Variants in MACROH2A2 observed in about 807,000 individuals in gnomAD.
MACROH2A2 encodes the protein macroH2A.2 histone, also known as core histone macro-H2A.2.
Under a neutral mutation model 37.6 loss-of-function variants are expected in MACROH2A2, and 6 were observed. The ratio of observed to expected loss-of-function variants is 0.16; its 90% CI spans 0.09 to 0.32. The LOEUF (loss-of-function observed/expected upper bound fraction) is 0.32, where lower values mean the gene tolerates loss of function less well. Ranked by LOEUF, MACROH2A2 falls within the 10% of genes least tolerant of loss-of-function variation. The probability of loss-of-function intolerance (pLI) is 1.00; values close to 1 mark genes in which losing one functional copy is unlikely to be tolerated. For missense variants in MACROH2A2, 290 were observed against 485.9 expected (o/e 0.60, Z 3.79); for synonymous variants, 192 against 202.7 (o/e 0.95, Z 0.45).
chr10:70,069,310 A>G (rs1247406483), intron 1 of MACROH2A2, among the ~76,000 whole-genome samples: 1 of 152,194 alleles, frequency 6.6e-6, no homozygotes, highest in Non-Finnish European at 1.5e-5. Flanking sequence ...GGAACGAGCC[A>G]GGAGCCCTAC....
At chr10:70,057,565 C>T (rs956519993) in intron 1 of MACROH2A2, among the ~76,000 whole-genome samples, 1 of 152,174 alleles carries the variant, frequency 6.6e-6, no homozygotes, top group African/African-American at 2.4e-5. Flanking sequence ...GGGTTCTCAG[C>T]AGATGATGTG....
intron 1 of MACROH2A2, among the ~76,000 whole-genome samples, chr10:70,067,738 ATCC>A (rs1161995762): frequency 3.8e-4 from 58 of 152,340 alleles, no homozygotes; most frequent in African/African-American, 1.3e-3. Context: ...GGGCGCTCAT[ATCC>A]TCCTCTCATA....
chr10:70,072,693 A>G (rs984002720), intron 1 of MACROH2A2, among the ~76,000 whole-genome samples: 1 of 152,126 alleles, frequency 6.6e-6, no homozygotes, highest in African/African-American at 2.4e-5. Context: ...GTGGTGGCTC[A>G]CACCTGTAAT....
In MACROH2A2 at chr10:70,053,894, T is replaced by C. The variant is rs909121976; in HGVS notation, c.-60+894T>C. 6.6e-6 allele frequency among the ~76,000 whole-genome samples: 1 copy of C among 152,052 alleles called. No individual in the cohort carries two copies. The highest frequency in any genetic ancestry group is 2.4e-5 in the African/African-American group (1 of 41,422). ...CTGGCTGCGGCGCAGGAAAGGGCTC[T>C]GCCGGGCGCCGGACGCCGTGCGTAT... On this transcript the variant is annotated intron_variant, in intron 1 of 8. Coordinates refer to ENST00000373255, the MANE Select transcript of MACROH2A2 (RefSeq NM_018649.3). This position sits in a 1 kb window ranked among gnomAD's most constrained non-coding sequence, Gnocchi z 4.8.
chr10:70,104,424 C>T (rs1156658072), intron 7 of MACROH2A2, among the ~76,000 whole-genome samples: 2 of 151,054 alleles, frequency 1.3e-5, no homozygotes, highest in Non-Finnish European at 1.5e-5. Flanking sequence ...CGCCTGTAAT[C>T]GAAGCACTTT....
chr10:70,106,155 A>G (rs894454404), intron 7 of MACROH2A2, among the ~76,000 whole-genome samples: 1 of 152,184 alleles, frequency 6.6e-6, no homozygotes, highest in African/African-American at 2.4e-5. Flanking sequence ...ACTCCCAAGA[A>G]CTGTGATGGC....
chr10:70,105,441 G>A (rs10999139), intron 7 of MACROH2A2, among the ~76,000 whole-genome samples: 205 of 152,340 alleles, frequency 1.3e-3, no homozygotes, highest in Admixed American at 3.1e-3. Flanking sequence ...GGATAGCCAA[G>A]TGTGGAGACA....
At chr10:70,071,910 C>T (rs1428110905) in intron 1 of MACROH2A2, among the ~76,000 whole-genome samples, 1 of 152,056 alleles carries the variant, frequency 6.6e-6, no homozygotes, top group East Asian at 1.9e-4. Flanking sequence ...TGTGAAGGCC[C>T]GGGACATTAT....
intron 1 of MACROH2A2, among the ~76,000 whole-genome samples, chr10:70,055,965 TATAC>T (rs2136612788): frequency 6.6e-6 from 1 of 152,348 alleles, no homozygotes; most frequent in African/African-American, 2.4e-5. Context: ...GAAGCAGATC[TATAC>T]ATACTGAGAC....
At chr10:70,105,031 G>A (rs1416307618) in intron 7 of MACROH2A2, among the ~76,000 whole-genome samples, 2 of 152,252 alleles carry the variant, frequency 1.3e-5, no homozygotes, top group Non-Finnish European at 1.5e-5. Flanking sequence ...GAGAGGCAGC[G>A]ATGCTGCATG....
At chr10:70,072,251 T>C (rs965110593) in intron 1 of MACROH2A2, among the ~76,000 whole-genome samples, 1 of 152,010 alleles carries the variant, frequency 6.6e-6, no homozygotes, top group African/African-American at 2.4e-5. Flanking sequence ...TAAGCATTTT[T>C]CTATTAAAAT....
intron 2 of MACROH2A2, among the ~76,000 whole-genome samples, chr10:70,086,528 C>A (rs2072212736): frequency 6.6e-6 from 1 of 152,174 alleles, no homozygotes; most frequent in South Asian, 2.1e-4. Flanking sequence ...ATCTGTCTGT[C>A]AAGCTGAAAA....
intron 1 of MACROH2A2, among the ~76,000 whole-genome samples, chr10:70,067,181 G>A (rs1257419049): frequency 1.3e-5 from 2 of 152,218 alleles, no homozygotes; most frequent in African/African-American, 2.4e-5. Context: ...CCAGAGGCTT[G>A]TAGGAGCCTA....
chr10:70,054,206 T>C (rs533285246), intron 1 of MACROH2A2, among the ~76,000 whole-genome samples: 14 of 152,298 alleles, frequency 9.2e-5, no homozygotes, highest in African/African-American at 3.1e-4. Flanking sequence ...TTGCCAGGGT[T>C]TTTTGGCAAC....
chr10:70,090,192 C>G lies in MACROH2A2; in HGVS notation c.279+26C>G, dbSNP rs574840886. 54 of 1,473,692 alleles carry G rather than the reference C, an allele frequency of 3.7e-5. No homozygotes were observed. In the South Asian group the frequency reaches 5.6e-4, roughly 15 times the overall value. The allele number at this position is 1,473,692 out of a possible 1,614,324, so 91.3% of individuals were successfully genotyped here. On this transcript the variant is annotated intron_variant, in intron 3 of 8. Coordinates refer to ENST00000373255, the MANE Select transcript of MACROH2A2 (RefSeq NM_018649.3). The stretch of plus-strand genomic sequence containing the variant: ...GTATGTCTGAAGCCTTGAGGGAAGC[C>G]GTAGAATGGGTTTGCCAAACATGCT...
intron 1 of MACROH2A2, among the ~76,000 whole-genome samples, chr10:70,068,889 G>T (rs1466785794): frequency 6.6e-6 from 1 of 152,166 alleles, no homozygotes; most frequent in Non-Finnish European, 1.5e-5. Flanking sequence ...GGAAAATATT[G>T]GAGGACAAGG....
At chr10:70,056,578 A>G (rs1003701777) in intron 1 of MACROH2A2, among the ~76,000 whole-genome samples, 2 of 152,234 alleles carry the variant, frequency 1.3e-5, no homozygotes, top group African/African-American at 4.8e-5. Flanking sequence ...TTACTACAGT[A>G]GTTTGTAAAG....
intron 2 of MACROH2A2, among the ~76,000 whole-genome samples, chr10:70,078,420 C>G (rs756508633): frequency 1.3e-5 from 2 of 152,208 alleles, no homozygotes; most frequent in Non-Finnish European, 2.9e-5. Flanking sequence ...GAGGCCCAGG[C>G]CTGTCCTCTG....
At chr10:70,082,698 G>A (rs1162276001) in intron 2 of MACROH2A2, among the ~76,000 whole-genome samples, 1 of 152,176 alleles carries the variant, frequency 6.6e-6, no homozygotes, top group Non-Finnish European at 1.5e-5. Context: ...AGACACAATA[G>A]GGCAATATCA....
Sources: gnomAD v4.1 joint callset for allele counts (sites outside exome capture counted in the v4.1 genomes callset) on GRCh38, gnomAD v4.1.1 for gene constraint, Gnocchi (gnomAD v3.1) non-coding constraint, MANE v1.5 for transcripts, NCBI Gene and HGNC (gene_info 2026-07-23, HGNC 2026-07-21) for gene names.